Variants in SNAPC4 observed in about 807,000 individuals in gnomAD.
SNAPC4 encodes the protein small nuclear RNA activating complex polypeptide 4.
SNAPC4 carries 127 observed loss-of-function variants against 151.3 expected under a neutral mutation model. That is an observed-to-expected ratio of 0.84 (90% CI 0.73 to 0.97). The LOEUF (loss-of-function observed/expected upper bound fraction) is 0.97. SNAPC4 is among the 50% of genes least tolerant of loss of function. The probability of loss-of-function intolerance (pLI) is 0.00; values close to 1 mark genes in which losing one functional copy is unlikely to be tolerated. For missense variants in SNAPC4, 2,186 were observed against 1,935.0 expected (o/e 1.13, Z -2.43); for synonymous variants, 1,002 against 824.4 (o/e 1.22, Z -3.69).
intron 14 of SNAPC4, among the ~76,000 whole-genome samples, chr9:136,384,373 G>T (rs957488761): frequency 6.6e-6 from 1 of 152,200 alleles, no homozygotes; most frequent in Admixed American, 6.5e-5. Context: ...GGAGGAGCAC[G>T]GGTGCTGCTC....
Position 136,378,157 on chromosome 9 carries a change from A to G in SNAPC4, c.3670T>C (p.Ser1224Pro). The G allele has an allele frequency of 6.2e-7, 1 of 1,610,046 alleles. No individual in the cohort carries two copies. ...PATEPRGTPGSPSGTQEPRGP... is the reference protein window; with the variant it reads ...PATEPRGTPGPPSGTQEPRGP... Reference sequence around the variant, plus strand: ...CTGGGCTCCTGTGTCCCTGAGGGGGACCCCGGCGTCCCCCTTGGCTCAGTT... The same window carrying G: ...CTGGGCTCCTGTGTCCCTGAGGGGGGCCCCGGCGTCCCCCTTGGCTCAGTT... The change falls in exon 22 of 24, where the codon TCC becomes CCC. Residue 1224 changes from serine (S) to proline (P), a missense_variant. By Grantham distance (74) the Ser-to-Pro change is moderately conservative (BLOSUM62 -1). Transcript: ENST00000684778.
In SNAPC4 at chr9:136,395,633, G is replaced by A. The variant is rs1015650804; in HGVS notation, c.315C>T (p.Asn105=). Residue 105 remains asparagine, a synonymous_variant, in exon 4 of 24, where the codon AAC becomes AAT. Coordinates refer to ENST00000684778, the MANE Select transcript of SNAPC4 (RefSeq NM_003086.4). ...EVIQEKLAEA[N]LLLAQNREQQ... ...GCTCCCGGTTCTGGGCCAGCAGCAG[G>A]TTGGCCTCAGCCAGCTTCTCCTGGA... 3 of 1,612,658 alleles carry A rather than the reference G, an allele frequency of 1.9e-6. No individual in the cohort carries two copies. The Admixed American group carries it at 5.0e-5, about 27-fold the overall frequency.
intron 22 of SNAPC4, among the ~76,000 whole-genome samples, chr9:136,377,109 A>T (rs1042532685): frequency 1.3e-5 from 2 of 152,194 alleles, no homozygotes; most frequent in Admixed American, 1.3e-4. Context: ...GAGAGGTGAC[A>T]GCAGAGAGGG....
intron 6 of SNAPC4, 54 bp from the exon 7 acceptor site, chr9:136,394,384 A>C (rs116295971): frequency 0.026 from 39,170 of 1,497,962 alleles, 702 homozygotes; most frequent in Middle Eastern, 0.088. Context: ...TCCACGGCCC[A>C]GCCCCCACGG....
At chr9:136,395,006 T>C in intron 5 of SNAPC4, 128 bp from the exon 6 acceptor site, 1 of 879,736 alleles carries the variant, frequency 1.1e-6, no homozygotes. Context: ...ACTGTGAGGC[T>C]GTGGGGGTGC....
At chr9:136,382,824 G>A (rs552703994) in intron 16 of SNAPC4, among the ~76,000 whole-genome samples, 1 of 152,342 alleles carries the variant, frequency 6.6e-6, no homozygotes, top group South Asian at 2.1e-4. Context: ...TCCCAAGCAG[G>A]TGGACAGGCC....
intron 10 of SNAPC4, among the ~76,000 whole-genome samples, chr9:136,389,819 G>A (rs548450362): frequency 6.6e-6 from 1 of 152,320 alleles, no homozygotes; most frequent in East Asian, 1.9e-4. Context: ...AAAGGGGGCT[G>A]GAGGGTGGCT....
chr9:136,382,683 C>T (rs1564382891), intron 16 of SNAPC4, among the ~76,000 whole-genome samples: 1 of 152,262 alleles, frequency 6.6e-6, no homozygotes, highest in Non-Finnish European at 1.5e-5. Context: ...TCAGTGTCCA[C>T]TGTCCCTGCC....
rs913600730 is a variant in SNAPC4, at chr9:136,400,124, C to A, written c.-10+10G>T. 3 of 152,142 alleles carry A rather than the reference C, an allele frequency of 2.0e-5. No homozygotes were observed. The highest frequency in any genetic ancestry group is 6.5e-5 in the Admixed American group (1 of 15,272). The allele number at this position is 152,142 out of a possible 1,614,324, so 9.4% of individuals were successfully genotyped here. ...CCACCCGCGCCTCACCTGCTGGGCG[C>A]ACACCTTACCTGGCCGCGCGGACCC... On this transcript the variant is annotated intron_variant, in intron 1 of 23. Coordinates refer to ENST00000684778, the MANE Select transcript of SNAPC4 (RefSeq NM_003086.4).
intron 22 of SNAPC4, 149 bp from the exon 23 acceptor site, chr9:136,376,630 T>TG: frequency 2.3e-6 from 2 of 871,214 alleles, no homozygotes; most frequent in Non-Finnish European, 3.6e-6. Context: ...CTCCAGGCAC[T>TG]CCTGGGGCCA....
chr9:136,380,934 A>G, intron 19 of SNAPC4, 84 bp from the exon 20 acceptor site: 1 of 791,550 alleles, frequency 1.3e-6, no homozygotes, highest in Non-Finnish European at 2.2e-6. Flanking sequence ...AACCTGGGGC[A>G]GCCCTGAGGC....
Position 136,400,159 on chromosome 9 carries a change from C to T in SNAPC4, c.-35G>A, listed in dbSNP as rs1055961778. 1 of 152,152 alleles carries T rather than the reference C, an allele frequency of 6.6e-6. No homozygotes were observed. Among genetic ancestry groups the T allele is most frequent in the African/African-American group, 2.4e-5 (1 of 41,450 alleles). The allele number at this position is 152,152 out of a possible 1,614,324, so 9.4% of individuals were successfully genotyped here. ...CTGGCCGCGCGGACCCCGCCGTCGC[C>T]CGGGCGACTGCAGACTCGACGCTTC... On this transcript the variant is annotated 5_prime_UTR_variant, in exon 1 of 24. Coordinates refer to ENST00000684778, the MANE Select transcript of SNAPC4 (RefSeq NM_003086.4).
At chr9:136,390,702 C>T (rs1370284319) in intron 10 of SNAPC4, among the ~76,000 whole-genome samples, 2 of 151,494 alleles carry the variant, frequency 1.3e-5, no homozygotes, top group Non-Finnish European at 2.9e-5. Flanking sequence ...ATCCTGCACA[C>T]ACAGCCCTGA....
Position 136,381,302 on chromosome 9 carries a change from G to C in SNAPC4, c.2388+20C>G. 1 of 1,599,020 alleles carries C rather than the reference G, an allele frequency of 6.3e-7. No individual in the cohort carries two copies. The highest frequency in any genetic ancestry group is 8.6e-7 in the Non-Finnish European group (1 of 1,169,108). Reference sequence around the variant, plus strand: ...TTTTTACAAGGCAAAGGAAAACGAAGCTCTGCCCAAGTAGCTTACCTGGGT... The same window carrying C: ...TTTTTACAAGGCAAAGGAAAACGAACCTCTGCCCAAGTAGCTTACCTGGGT... On this transcript the variant is annotated intron_variant, in intron 19 of 23. Coordinates refer to ENST00000684778, the MANE Select transcript of SNAPC4 (RefSeq NM_003086.4).
chr9:136,378,238 C>T lies in SNAPC4; in HGVS notation c.3589G>A (p.Glu1197Lys). Reference sequence around the variant, plus strand: ...CTCCCGGACCAAGGGGGTTCTGCTTCAGGAGGGTCAGCGTGGGAGGACGTC... The same window carrying T: ...CTCCCGGACCAAGGGGGTTCTGCTTTAGGAGGGTCAGCGTGGGAGGACGTC... The part of the protein sequence containing the change: ...PRTSSHADPP[E>K]AEPPWSGRLP... Residue 1197 changes from glutamate (E) to lysine (K), a missense_variant, in exon 22 of 24, where the codon GAA becomes AAA. Glu to Lys is a moderately conservative substitution (Grantham distance 56). Coordinates refer to ENST00000684778, the MANE Select transcript of SNAPC4 (RefSeq NM_003086.4). The T allele has an allele frequency of 1.2e-6, 2 of 1,610,722 alleles. No individual in the cohort carries two copies. Among genetic ancestry groups the T allele is most frequent in the East Asian group, 2.2e-5 (1 of 44,808 alleles).
At chr9:136,386,362 G>C (rs1833888448) in intron 13 of SNAPC4, among the ~76,000 whole-genome samples, 1 of 151,550 alleles carries the variant, frequency 6.6e-6, no homozygotes, top group Non-Finnish European at 1.5e-5. Flanking sequence ...TTTTACAATT[G>C]ATTGTGGTGA....
chr9:136,399,324 T>C (rs1834375435), intron 1 of SNAPC4, among the ~76,000 whole-genome samples: 1 of 152,010 alleles, frequency 6.6e-6, no homozygotes, highest in African/African-American at 2.4e-5. Context: ...GCAGCCCAGG[T>C]CCCCTCACTC....
intron 2 of SNAPC4, 35 bp downstream of exon 2, chr9:136,398,264 C>T (rs1834341498): frequency 5.7e-6 from 9 of 1,592,114 alleles, no homozygotes; most frequent in Non-Finnish European, 7.7e-6. Flanking sequence ...GCTGTTCTTA[C>T]CAGGACCCCA....
chr9:136,381,238 G>T, intron 19 of SNAPC4, 84 bp downstream of exon 19: 2 of 1,056,768 alleles, frequency 1.9e-6, no homozygotes, highest in Non-Finnish European at 2.9e-6. Flanking sequence ...AGACTTTAAG[G>T]AATGAATCTA....
Sources: gnomAD v4.1 joint callset for allele counts (sites outside exome capture counted in the v4.1 genomes callset) on GRCh38, gnomAD v4.1.1 for gene constraint, MANE v1.5 for transcripts, NCBI Gene and HGNC (gene_info 2026-07-23, HGNC 2026-07-21) for gene names.